The following SRP68 variants were observed in gnomAD, a reference collection of about 807,000 sequenced individuals.
The protein encoded by SRP68 is signal recognition particle 68, also known as signal recognition particle subunit SRP68.
Under a neutral mutation model 82.2 loss-of-function variants are expected in SRP68, and 15 were observed. That is an observed-to-expected ratio of 0.18 (90% CI 0.12 to 0.28). The LOEUF (loss-of-function observed/expected upper bound fraction) is 0.28. Ranked by LOEUF, SRP68 falls within the 10% of genes least tolerant of loss-of-function variation. SRP68 has a pLI of 1.00. For missense variants in SRP68, 595 were observed against 780.5 expected (o/e 0.76, Z 2.83); for synonymous variants, 261 against 292.6 (o/e 0.89, Z 1.10).
intron 7 of SRP68, among the ~76,000 whole-genome samples, chr17:76,059,240 G>A (rs546918585): frequency 6.6e-6 from 1 of 152,084 alleles, no homozygotes; most frequent in Non-Finnish European, 1.5e-5. Flanking sequence ...AAGAGACGCT[G>A]TTCAAAAAAA....
intron 3 of SRP68, 40 bp downstream of exon 3, chr17:76,067,177 A>G (rs780991138): frequency 7.1e-6 from 10 of 1,401,704 alleles, no homozygotes; most frequent in Admixed American, 6.7e-5. Context: ...TAAATGTATT[A>G]GCAAGAAGTA....
Position 76,067,328 on chromosome 17 carries a change from C to T in SRP68, c.254G>A (p.Gly85Asp), listed in dbSNP as rs773628297. 3 of 1,609,088 alleles carry T rather than the reference C, an allele frequency of 1.9e-6. No homozygotes were observed. Among genetic ancestry groups the T allele is most frequent in the Non-Finnish European group, 2.5e-6 (3 of 1,177,420 alleles). The change falls in exon 3 of 16, where the codon GGC (glycine) becomes GAC (aspartate). Residue 85 changes from glycine (G) to aspartate (D), a missense_variant and splice_region_variant. Coordinates refer to ENST00000307877, the MANE Select transcript of SRP68 (RefSeq NM_014230.4). ...LRHGDFQRYR[G>D]YCSRRQRRLR... ...ACGTCTTTGTCTACGGGAACAGTAGCCCCTGTAAGAAACCACAAACAAAAC... is the reference window on the plus strand; with the variant it reads ...ACGTCTTTGTCTACGGGAACAGTAGTCCCTGTAAGAAACCACAAACAAAAC...
chr17:76,062,585 TAATATATAATATAC>T lies in SRP68; in HGVS notation c.562-1025_562-1012del, dbSNP rs2066764811. Among the ~76,000 whole-genome samples, 10 of 99,450 alleles carry T rather than the reference TAATATATAATATAC, an allele frequency of 1.0e-4. 2 individuals carry two copies. Among genetic ancestry groups the T allele is most frequent in the Admixed American group, 4.4e-4 (3 of 6,868 alleles). 65.2% of individuals were successfully genotyped at this position (99,450 alleles called of 152,430 possible). A position where few individuals can be genotyped will look rare whatever the true frequency, so the allele number is the denominator to read the frequency against. On this transcript the variant is annotated intron_variant, in intron 4 of 15. Transcript: ENST00000307877. ...TATATATTATATAATATACATTATA[TAATATATAATATAC>T]ATTATATATTATATAATATATAATA...
At chr17:76,050,565 A>G (rs2066664636) in intron 8 of SRP68, 39 bp from the exon 9 acceptor site, 1 of 1,524,196 alleles carries the variant, frequency 6.6e-7, no homozygotes, top group Non-Finnish European at 9.1e-7. Context: ...CTTTCCTTTG[A>G]GCAAACCATA....
At position 76,060,787 on chromosome 17, in the gene SRP68, G is replaced by T. The variant is rs546557056; in HGVS notation, c.754+323C>A. On this transcript the variant is annotated intron_variant, in intron 6 of 15. Transcript: ENST00000307877. ...GGATGTGGGGAGGTGGGGTTACATG[G>T]ATCTCTGTATCTTTCTCTCAGCCTT... is the stretch of plus-strand genomic sequence containing the variant. 48 of 345,910 alleles carry T rather than the reference G, an allele frequency of 1.4e-4. 1 individual carries two copies. The highest frequency in any genetic ancestry group is 1.6e-5 in the Non-Finnish European group (3 of 189,836). 21.4% of individuals were successfully genotyped at this position (345,910 alleles called of 1,614,324 possible).
intron 8 of SRP68, among the ~76,000 whole-genome samples, chr17:76,054,149 T>C (rs886670313): frequency 2.1e-4 from 32 of 152,370 alleles, no homozygotes; most frequent in African/African-American, 7.5e-4. Flanking sequence ...TGGGCTTTTC[T>C]GCAGTCTCAG....
At chr17:76,068,121 G>A (rs1034077985) in intron 2 of SRP68, among the ~76,000 whole-genome samples, 3 of 151,978 alleles carry the variant, frequency 2.0e-5, no homozygotes, top group Non-Finnish European at 4.4e-5. Context: ...CAGAAACCCC[G>A]TCTCTACTAA....
Position 76,071,582 on chromosome 17 carries a change from G to A in SRP68, c.184+726C>T, listed in dbSNP as rs2066853397. Among the ~76,000 whole-genome samples, 1 of 152,134 alleles carries A rather than the reference G, an allele frequency of 6.6e-6. No homozygotes were observed. Among genetic ancestry groups the A allele is most frequent in the Admixed American group, 6.6e-5 (1 of 15,266 alleles). On this transcript the variant is annotated intron_variant, in intron 1 of 15. Transcript: ENST00000307877. This position sits in a 1 kb window ranked among gnomAD's most constrained non-coding sequence, Gnocchi z 4.7. ...AAAATATTTAACTCCAAGCGCCTGA[G>A]AACTTTAAGCACATTAAGATGTCAA...
chr17:76,072,146 A>AG lies in SRP68; in HGVS notation c.184+161dup. 18 of 1,280,048 alleles carry AG rather than the reference A, an allele frequency of 1.4e-5. No homozygotes were observed. Among genetic ancestry groups the AG allele is most frequent in the Non-Finnish European group, 1.8e-5 (17 of 944,414 alleles). The allele number at this position is 1,280,048 out of a possible 1,614,324, so 79.3% of individuals were successfully genotyped here. On this transcript the variant is annotated intron_variant, in intron 1 of 15. Transcript: ENST00000307877. This position sits in a 1 kb window ranked among gnomAD's most constrained non-coding sequence, Gnocchi z 4.5. ...CACGAGGAAAGACTAGTCGAGAGACAGACCCCCCCCGGAATTCTGAGCACC... is the reference window on the plus strand; with the variant it reads ...CACGAGGAAAGACTAGTCGAGAGACAGGACCCCCCCCGGAATTCTGAGCACC...
chr17:76,063,857 GT>G lies in SRP68; in HGVS notation c.561+118del, dbSNP rs879076182. The G allele has an allele frequency of 7.1e-5, 62 of 873,166 alleles. No individual in the cohort carries two copies. In the Middle Eastern group the frequency reaches 1.0e-3, roughly 15 times the overall value. The allele number at this position is 873,166 out of a possible 1,614,324, so 54.1% of individuals were successfully genotyped here. The stretch of plus-strand genomic sequence containing the variant: ...CTCCTCTTAAAAGCAAGTTCGGAAA[GT>G]TTTTTTCCTCTTCTGACTGTCACTT... On this transcript the variant is annotated intron_variant, in intron 4 of 15. Coordinates refer to ENST00000307877, the MANE Select transcript of SRP68 (RefSeq NM_014230.4).
intron 8 of SRP68, among the ~76,000 whole-genome samples, chr17:76,054,594 G>A (rs1243462492): frequency 1.3e-5 from 2 of 152,208 alleles, no homozygotes; most frequent in African/African-American, 2.4e-5. Flanking sequence ...GCTCACGCCT[G>A]TAATCCCAGC....
chr17:76,042,113 T>C (rs1382949006), intron 13 of SRP68, among the ~76,000 whole-genome samples: 1 of 151,952 alleles, frequency 6.6e-6, no homozygotes, highest in Non-Finnish European at 1.5e-5. Context: ...CTCGATCTCC[T>C]GACCTCGTGA....
intron 8 of SRP68, among the ~76,000 whole-genome samples, chr17:76,051,149 A>G (rs1038064633): frequency 4.6e-5 from 7 of 152,240 alleles, no homozygotes; most frequent in Non-Finnish European, 4.4e-5. Context: ...GATATTCCAC[A>G]TGACTACTCT....
intron 8 of SRP68, among the ~76,000 whole-genome samples, chr17:76,053,960 G>A (rs1266455399): frequency 2.0e-5 from 3 of 152,182 alleles, no homozygotes; most frequent in Admixed American, 2.0e-4. Context: ...CAACCAGAAC[G>A]TGCTCTTAAA....
chr17:76,069,014 T>TAA (rs748816871), intron 2 of SRP68, among the ~76,000 whole-genome samples: 3 of 148,636 alleles, frequency 2.0e-5, no homozygotes, highest in Non-Finnish European at 3.0e-5. Context: ...AATAAATAAA[T>TAA]ATATATATAT....
chr17:76,067,335 A>T lies in SRP68; in HGVS notation c.252-5T>A. The stretch of plus-strand genomic sequence containing the variant: ...TGTCTACGGGAACAGTAGCCCCTGT[A>T]AGAAACCACAAACAAAACTCACTCA... On this transcript the variant is annotated splice_region_variant and splice_polypyrimidine_tract_variant and intron_variant, in intron 2 of 15. Transcript: ENST00000307877. 1 of 1,603,992 alleles carries T rather than the reference A, an allele frequency of 6.2e-7. No homozygotes were observed. The highest frequency in any genetic ancestry group is 8.5e-7 in the Non-Finnish European group (1 of 1,173,622).
At chr17:76,051,637 A>G (rs1056479546) in intron 8 of SRP68, among the ~76,000 whole-genome samples, 1 of 152,240 alleles carries the variant, frequency 6.6e-6, no homozygotes, top group Admixed American at 6.5e-5. Flanking sequence ...CCAGTGTGAA[A>G]AAAAAAATCT....
At chr17:76,056,585 T>A (rs761799915) in intron 8 of SRP68, among the ~76,000 whole-genome samples, 14 of 152,204 alleles carry the variant, frequency 9.2e-5, no homozygotes, top group Non-Finnish European at 2.1e-4. Context: ...GAAGGCTGCC[T>A]CCAACCCATA....
intron 7 of SRP68, among the ~76,000 whole-genome samples, 183 bp downstream of exon 7, chr17:76,060,125 C>CAAAAAA (rs1168111688): frequency 7.5e-3 from 207 of 27,646 alleles, no homozygotes; most frequent in Non-Finnish European, 0.015. Context: ...GACTCCATCT[C>CAAAAAA]AAAAAAAAAA....
Sources: gnomAD v4.1 joint callset for allele counts (sites outside exome capture counted in the v4.1 genomes callset) on GRCh38, gnomAD v4.1.1 for gene constraint, Gnocchi (gnomAD v3.1) non-coding constraint, MANE v1.5 for transcripts, NCBI Gene and HGNC (gene_info 2026-07-23, HGNC 2026-07-21) for gene names.